POU6F2: variants seen among roughly 807,000 people sequenced by gnomAD.
The protein encoded by POU6F2 is POU domain, class 6, transcription factor 2.
In POU6F2, 31 loss-of-function variants were observed where a neutral mutation model predicts 71.3. The observed-to-expected ratio is 0.43, with a 90% confidence interval of 0.33 to 0.59. The LOEUF (loss-of-function observed/expected upper bound fraction) is 0.59, where lower values mean the gene tolerates loss of function less well. Among genes scored for constraint, POU6F2 ranks in the 20% least tolerant of loss-of-function variants. POU6F2 has a pLI of 0.04. For synonymous variants in POU6F2, 347 were observed against 355.7 expected (o/e 0.98, Z 0.27); for missense variants, 783 against 856.8 (o/e 0.91, Z 1.07).
intron 1 of POU6F2, among the ~76,000 whole-genome samples, chr7:39,067,266 A>G (rs1272799176): frequency 1.3e-5 from 2 of 151,250 alleles, no homozygotes; most frequent in African/African-American, 2.4e-5. Flanking sequence ...ATTTGCATTT[A>G]ATGCCATATA....
intron 5 of POU6F2, among the ~76,000 whole-genome samples, chr7:39,367,413 G>A (rs1240393480): frequency 6.6e-6 from 1 of 152,138 alleles, no homozygotes; most frequent in African/African-American, 2.4e-5. Flanking sequence ...GGAAAACCTT[G>A]GCTATCCATC....
At chr7:39,213,288 TTTC>T (rs1297273023) in intron 4 of POU6F2, among the ~76,000 whole-genome samples, 1 of 152,182 alleles carries the variant, frequency 6.6e-6, no homozygotes, top group East Asian at 1.9e-4. Flanking sequence ...CTGCCCCGGT[TTTC>T]TCTGACTCCC....
chr7:39,292,500 G>T (rs966594686), intron 4 of POU6F2, among the ~76,000 whole-genome samples: 1 of 152,190 alleles, frequency 6.6e-6, no homozygotes, highest in Non-Finnish European at 1.5e-5. Context: ...AAATCAACAG[G>T]GGTGAAAAGT....
At chr7:39,113,178 C>G (rs1249239079) in intron 2 of POU6F2, among the ~76,000 whole-genome samples, 1 of 152,162 alleles carries the variant, frequency 6.6e-6, no homozygotes. Flanking sequence ...GAGAATGTAT[C>G]ACCATTGCCT....
At chr7:39,034,494 A>T (rs1562679460) in intron 1 of POU6F2, 1 of 436,296 alleles carries the variant, frequency 2.3e-6, no homozygotes, top group Non-Finnish European at 4.7e-6. Context: ...CATGGACTGT[A>T]AGTAGCTCCT....
At chr7:39,278,484 A>T (rs76319873) in intron 4 of POU6F2, among the ~76,000 whole-genome samples, 8,019 of 152,224 alleles carry the variant, frequency 0.053, 305 homozygotes, top group Non-Finnish European at 0.079. Context: ...TCTAATGAGG[A>T]TGCCTGGCAA....
chr7:39,017,999 A>G lies in POU6F2; in HGVS notation c.105+39941A>G, dbSNP rs369709513. Among the ~76,000 whole-genome samples, 41 of 152,210 alleles carry G rather than the reference A, an allele frequency of 2.7e-4. No homozygotes were observed. The South Asian group carries it at 8.5e-3, about 32-fold the overall frequency. Reference sequence around the variant, plus strand: ...TTCCGGCCTTGCTGTATTGGCTAACATCCTCAAGTCAAATGTAGCAAACTT... The same window carrying G: ...TTCCGGCCTTGCTGTATTGGCTAACGTCCTCAAGTCAAATGTAGCAAACTT... On this transcript the variant is annotated intron_variant, in intron 1 of 9. Coordinates refer to ENST00000518318, the MANE Select transcript of POU6F2 (RefSeq NM_001370959.1).
intron 4 of POU6F2, among the ~76,000 whole-genome samples, chr7:39,284,407 T>G (rs1216077076): frequency 1.3e-5 from 2 of 152,228 alleles, no homozygotes; most frequent in African/African-American, 4.8e-5. Context: ...TTGAAAAGGC[T>G]GCTGTTCTTA....
chr7:39,115,204 T>C (rs1791904862), intron 2 of POU6F2, among the ~76,000 whole-genome samples: 1 of 152,182 alleles, frequency 6.6e-6, no homozygotes, highest in Non-Finnish European at 1.5e-5. Context: ...GGGTCTTCTG[T>C]CCTCATCTCT....
chr7:39,072,198 T>C (rs1790896771), intron 1 of POU6F2, among the ~76,000 whole-genome samples: 1 of 152,188 alleles, frequency 6.6e-6, no homozygotes, highest in Admixed American at 6.5e-5. Context: ...TGTGGAGTTA[T>C]AGTGCAGAAG....
At chr7:39,354,352 G>A (rs1220750765) in intron 5 of POU6F2, among the ~76,000 whole-genome samples, 3 of 152,168 alleles carry the variant, frequency 2.0e-5, no homozygotes, top group African/African-American at 4.8e-5. Flanking sequence ...AAGGTCAGAG[G>A]ACAAAACCTT....
intron 4 of POU6F2, among the ~76,000 whole-genome samples, chr7:39,267,209 T>C (rs1373244834): frequency 2.0e-5 from 3 of 152,060 alleles, no homozygotes; most frequent in African/African-American, 7.2e-5. Flanking sequence ...GGCTGTGGAA[T>C]AGGAAAGAGA....
At chr7:39,154,800 T>TA (rs1353958950) in intron 2 of POU6F2, among the ~76,000 whole-genome samples, 1 of 152,104 alleles carries the variant, frequency 6.6e-6, no homozygotes, top group Non-Finnish European at 1.5e-5. Flanking sequence ...GCTCAAGGCA[T>TA]AGTAATCTTT....
chr7:39,074,230 T>C (rs1790947601), intron 1 of POU6F2, among the ~76,000 whole-genome samples: 1 of 152,078 alleles, frequency 6.6e-6, no homozygotes, highest in African/African-American at 2.4e-5. Flanking sequence ...ACACCTGTAA[T>C]CCCAGCACTT....
rs553252864 is a variant in POU6F2, at chr7:39,310,712, A to G, written c.599-28930A>G. 2.6e-5 allele frequency among the ~76,000 whole-genome samples: 4 copies of G among 152,330 alleles called. No homozygotes were observed. The South Asian group carries it at 6.2e-4, about 24-fold the overall frequency. ...GGCAGAACTATTGTCATCACCTAGA[A>G]CTAAAAGAAAGGATTTTGCAGAATG... On this transcript the variant is annotated intron_variant, in intron 4 of 9. Transcript: ENST00000518318.
At chr7:39,362,726 G>A (rs1786415777) in intron 5 of POU6F2, among the ~76,000 whole-genome samples, 1 of 152,126 alleles carries the variant, frequency 6.6e-6, no homozygotes, top group Non-Finnish European at 1.5e-5. Flanking sequence ...ACTTACATGG[G>A]GGGAATAATA....
At chr7:39,131,429 A>T (rs1792276936) in intron 2 of POU6F2, among the ~76,000 whole-genome samples, 1 of 152,240 alleles carries the variant, frequency 6.6e-6, no homozygotes, top group African/African-American at 2.4e-5. Context: ...ACGGCTCACA[A>T]GGGCCGAGGA....
chr7:39,287,837 G>A (rs1784678043), intron 4 of POU6F2, among the ~76,000 whole-genome samples: 1 of 151,934 alleles, frequency 6.6e-6, no homozygotes, highest in Admixed American at 6.6e-5. Flanking sequence ...GGTGATTTCT[G>A]GGCACATGAA....
intron 2 of POU6F2, among the ~76,000 whole-genome samples, chr7:39,195,612 G>A (rs775824412): frequency 1.8e-4 from 27 of 151,556 alleles, no homozygotes; most frequent in Middle Eastern, 3.4e-3. Flanking sequence ...TTTAGGCTTC[G>A]GTTTCCAGTA....
Sources: allele counts gnomAD v4.1 joint callset (sites outside exome capture counted in the v4.1 genomes callset), GRCh38; gene constraint gnomAD v4.1.1; transcripts MANE v1.5; gene names NCBI Gene and HGNC (gene_info 2026-07-23, HGNC 2026-07-21).